The following RNF24 variants were observed in gnomAD, a reference collection of about 807,000 sequenced individuals.
The protein encoded by RNF24 is ring finger protein 24.
Under a neutral mutation model 20.0 loss-of-function variants are expected in RNF24, and 14 were observed. The observed-to-expected ratio is 0.70, with a 90% CI of 0.46 to 1.10. The LOEUF (loss-of-function observed/expected upper bound fraction) is 1.10, where lower values mean the gene tolerates loss of function less well. Ranked by LOEUF, RNF24 falls within the 50% of genes least tolerant of loss-of-function variation. The pLI is 0.00. For missense variants in RNF24, 124 were observed against 177.6 expected, an observed-to-expected ratio of 0.70 and a Z score of 1.71; for synonymous variants, 45 against 61.1, an observed-to-expected ratio of 0.74 and a Z score of 1.23.
At chr20:4,012,086 A>C (rs1162045979) in intron 1 of RNF24, among the ~76,000 whole-genome samples, 5 of 152,168 alleles carry the variant, frequency 3.3e-5, no homozygotes, top group Non-Finnish European at 5.9e-5. Context: ...TAGCATTATT[A>C]CTGATCTTAG....
At position 3,933,409 on chromosome 20, in the gene RNF24, T is replaced by C. The variant is rs1452053483; in HGVS notation, c.*654A>G. ...CTTACTGGTGCATAGGAGAGGGAAATGATAAGAGGAAATGGCTTCTGACTA... is the reference window on the plus strand; with the variant it reads ...CTTACTGGTGCATAGGAGAGGGAAACGATAAGAGGAAATGGCTTCTGACTA... On this transcript the variant is annotated 3_prime_UTR_variant, in exon 6 of 6. Coordinates refer to ENST00000358395, the MANE Select transcript of RNF24 (RefSeq NM_001134337.3). The C allele has an allele frequency of 7.7e-6, 3 of 387,742 alleles. No individual in the cohort carries two copies. The highest frequency in any genetic ancestry group is 1.4e-5 in the Non-Finnish European group (3 of 219,806). The allele number at this position is 387,742 out of a possible 1,614,324, so 24.0% of individuals were successfully genotyped here.
intron 1 of RNF24, among the ~76,000 whole-genome samples, chr20:3,979,090 T>C (rs144306196): frequency 0.011 from 1,483 of 129,512 alleles, 16 homozygotes; most frequent in African/African-American, 0.038. Context: ...TGAGACTCTG[T>C]CAAAAAAAAA....
At chr20:3,975,922 G>A (rs1170079956) in intron 1 of RNF24, among the ~76,000 whole-genome samples, 1 of 152,010 alleles carries the variant, frequency 6.6e-6, no homozygotes, top group Non-Finnish European at 1.5e-5. Flanking sequence ...TAGTAGCTGG[G>A]ACTATAGGAG....
At chr20:3,973,019 T>G (rs1370711301) in intron 1 of RNF24, among the ~76,000 whole-genome samples, 1 of 151,704 alleles carries the variant, frequency 6.6e-6, no homozygotes, top group Non-Finnish European at 1.5e-5. Flanking sequence ...CCTAGCCAAC[T>G]AGGTAAAACC....
intron 1 of RNF24, among the ~76,000 whole-genome samples, chr20:3,965,411 T>C (rs776572155): frequency 3.3e-5 from 5 of 152,090 alleles, no homozygotes; most frequent in Non-Finnish European, 5.9e-5. Context: ...TCTAGTAACA[T>C]ATATCAGGAA....
In RNF24 at chr20:3,933,153, T is replaced by C. The variant is rs979378335; in HGVS notation, c.*910A>G. On this transcript the variant is annotated 3_prime_UTR_variant, in exon 6 of 6. Coordinates refer to ENST00000358395, the MANE Select transcript of RNF24 (RefSeq NM_001134337.3). ...GGAAGGAGGGGGAGAGGCCAAAGGG[T>C]CGGCATTCCCTTCATCCAGCCGGGC... The C allele has an allele frequency of 1.1e-5, 4 of 357,684 alleles. No individual in the cohort carries two copies. Among genetic ancestry groups the C allele is most frequent in the African/African-American group, 9.9e-5 (4 of 40,552 alleles). The allele number at this position is 357,684 out of a possible 1,614,324, so 22.2% of individuals were successfully genotyped here. A position where few individuals can be genotyped will look rare whatever the true frequency, so the allele number is the denominator to read the frequency against.
chr20:4,006,651 T>C (rs1232868261), intron 1 of RNF24, among the ~76,000 whole-genome samples: 1 of 152,230 alleles, frequency 6.6e-6, no homozygotes, highest in Non-Finnish European at 1.5e-5. Flanking sequence ...CAGAGCAAAT[T>C]TGTAACACGA....
In RNF24 at chr20:3,928,562, C is replaced by G. The variant is rs746831133; in HGVS notation, c.*5501G>C. On this transcript the variant is annotated 3_prime_UTR_variant, in exon 6 of 6. Transcript: ENST00000358395. ...CACGAGGTCAGGAGATCGAGACCAT[C>G]CTGGCTAACACGGTGAAACTCCGTC... 1 of 151,958 alleles carries G rather than the reference C, an allele frequency of 6.6e-6. No individual in the cohort carries two copies. Among genetic ancestry groups the G allele is most frequent in the African/African-American group, 2.4e-5 (1 of 41,378 alleles). The allele number at this position is 151,958 out of a possible 1,614,324, so 9.4% of individuals were successfully genotyped here. A position where few individuals can be genotyped will look rare whatever the true frequency, so the allele number is the denominator to read the frequency against.
At chr20:4,006,652 T>C (rs1344851656) in intron 1 of RNF24, among the ~76,000 whole-genome samples, 1 of 152,252 alleles carries the variant, frequency 6.6e-6, no homozygotes, top group Non-Finnish European at 1.5e-5. Context: ...AGAGCAAATT[T>C]GTAACACGAG....
At chr20:3,973,507 A>C (rs940590043) in intron 1 of RNF24, among the ~76,000 whole-genome samples, 525 of 8,170 alleles carry the variant, frequency 0.064, 5 homozygotes, top group South Asian at 0.2. Context: ...TGACAAAAAA[A>C]AAAAAAAAAA....
chr20:3,984,868 G>C (rs986953513), intron 1 of RNF24, among the ~76,000 whole-genome samples: 4 of 151,704 alleles, frequency 2.6e-5, no homozygotes, highest in African/African-American at 9.7e-5. Flanking sequence ...CTGACAAGTA[G>C]GTATTTGGGT....
chr20:3,947,745 T>G (rs768670537), intron 3 of RNF24, among the ~76,000 whole-genome samples: 2 of 152,156 alleles, frequency 1.3e-5, no homozygotes, highest in Non-Finnish European at 2.9e-5. Context: ...CTTCAAGTAA[T>G]GCTTACAAAA....
At chr20:4,006,194 C>A (rs1335731483) in intron 1 of RNF24, among the ~76,000 whole-genome samples, 1 of 152,040 alleles carries the variant, frequency 6.6e-6, no homozygotes, top group African/African-American at 2.4e-5. Context: ...CATGGTGAAA[C>A]CCTGTCTCTA....
At chr20:3,964,370 C>G (rs954514286) in intron 1 of RNF24, among the ~76,000 whole-genome samples, 1 of 152,140 alleles carries the variant, frequency 6.6e-6, no homozygotes, top group East Asian at 1.9e-4. Context: ...ATTCTTCAAA[C>G]TCTTTAGCCT....
chr20:3,954,558 A>G (rs139456555), intron 2 of RNF24, among the ~76,000 whole-genome samples: 5 of 152,162 alleles, frequency 3.3e-5, no homozygotes, highest in Non-Finnish European at 1.5e-5. Flanking sequence ...ATATATTTTC[A>G]TTTGTCTTGG....
chr20:3,948,100 T>TC, intron 3 of RNF24, 137 bp downstream of exon 3: 1 of 644,138 alleles, frequency 1.6e-6, no homozygotes, highest in South Asian at 1.8e-5. Context: ...TGATATATTA[T>TC]ACTGCAAATT....
Position 3,953,701 on chromosome 20 carries a change from ATCTG to A in RNF24, c.144-5426_144-5423del, listed in dbSNP as rs1454275910. On this transcript the variant is annotated intron_variant, in intron 2 of 5. Transcript: ENST00000358395. The stretch of plus-strand genomic sequence containing the variant: ...ATGGTCTCGATCTCCTGACCTCGTG[ATCTG>A]TCTCTTTTTCGTATTAGATATATAA... Among the ~76,000 whole-genome samples, 5 of 145,854 alleles carry A rather than the reference ATCTG, an allele frequency of 3.4e-5. No homozygotes were observed. The East Asian group carries it at 6.2e-4, about 18-fold the overall frequency.
At chr20:3,994,722 G>A (rs979553221) in intron 1 of RNF24, among the ~76,000 whole-genome samples, 2 of 152,156 alleles carry the variant, frequency 1.3e-5, no homozygotes, top group African/African-American at 2.4e-5. Context: ...AACCTCGACA[G>A]CTCACTTCTT....
chr20:4,002,436 A>G (rs6107391), intron 1 of RNF24, among the ~76,000 whole-genome samples: 20,287 of 152,198 alleles, frequency 0.13, 1,537 homozygotes, highest in Non-Finnish European at 0.17. Flanking sequence ...CTCAGCAAAG[A>G]AAGGTAAAAG....
Sources: gnomAD v4.1 joint callset for allele counts (sites outside exome capture counted in the v4.1 genomes callset) on GRCh38, gnomAD v4.1.1 for gene constraint, MANE v1.5 for transcripts, NCBI Gene and HGNC (gene_info 2026-07-23, HGNC 2026-07-21) for gene names.